The following NRP2 variants were observed in gnomAD, a reference collection of about 807,000 sequenced individuals.
NRP2 encodes the protein neuropilin 2.
In NRP2, 52 loss-of-function variants were observed where a neutral mutation model predicts 110.4. That is an observed-to-expected ratio of 0.47 (90% CI 0.38 to 0.59). NRP2 has a LOEUF of 0.59. Among genes scored for constraint, NRP2 ranks in the 20% least tolerant of loss-of-function variants. The probability of loss-of-function intolerance (pLI) is 0.00; values close to 1 mark genes in which losing one functional copy is unlikely to be tolerated. For missense variants in NRP2, 1,049 were observed against 1,203.0 expected (o/e 0.87, Z 1.89); for synonymous variants, 508 against 468.9 (o/e 1.08, Z -1.08).
chr2:205,760,308 T>G (rs1263241759), intron 12 of NRP2, among the ~76,000 whole-genome samples: 2 of 152,202 alleles, frequency 1.3e-5, no homozygotes, highest in Non-Finnish European at 2.9e-5. Context: ...ACAGGCGCTT[T>G]GCAGCTCAGC....
chr2:205,722,172 TACACACACACACACACAC>T (rs10646445), intron 3 of NRP2: 3 of 280,194 alleles, frequency 1.1e-5, no homozygotes, highest in African/African-American at 5.4e-5. Context: ...CTCTCTCTCA[TACACACACACACACACAC>T]ACACACACAC....
At position 205,697,608 on chromosome 2, in the gene NRP2, C is replaced by T; in HGVS notation, c.138C>T (p.Pro46=). 1 of 1,613,982 alleles carries T rather than the reference C, an allele frequency of 6.2e-7. No homozygotes were observed. Among genetic ancestry groups the T allele is most frequent in the East Asian group, 2.2e-5 (1 of 44,876 alleles). The change falls in exon 2 of 17, where the codon CCC becomes CCT. Residue 46 remains proline, a synonymous_variant. Transcript: ENST00000357785. ...GCTATATCACCTCTCCCGGTTACCC[C>T]CAGGACTACCCCTCCCACCAGAACT... The part of the protein sequence containing the change: ...DAGYITSPGY[P]QDYPSHQNCE...
intron 15 of NRP2, chr2:205,767,167 T>C (rs1263024754): frequency 8.7e-6 from 3 of 343,216 alleles, no homozygotes; most frequent in Non-Finnish European, 1.6e-5. Context: ...AAAATCAGTA[T>C]AAATTAAAAG....
At position 205,726,008 on chromosome 2, in the gene NRP2, C is replaced by T. The variant is rs752745836; in HGVS notation, c.916C>T (p.Pro306Ser). The T allele has an allele frequency of 1.9e-6, 3 of 1,614,046 alleles. No individual in the cohort carries two copies. The highest frequency in any genetic ancestry group is 2.7e-5 in the African/African-American group (2 of 74,930). Reference sequence around the variant, plus strand: ...TACCTACTCTGATGGGAGGTGGACCCCTCAACAAAGCCGGCTCCATGGTGA... The same window carrying T: ...TACCTACTCTGATGGGAGGTGGACCTCTCAACAAAGCCGGCTCCATGGTGA... ...SSTYSDGRWT[P>S]QQSRLHGDDN... Residue 306 changes from proline to serine, a missense_variant, in exon 6 of 17, where the codon CCT becomes TCT. Transcript: ENST00000357785.
Position 205,725,396 on chromosome 2 carries a change from C to T in NRP2, c.821-517C>T, listed in dbSNP as rs1258874708. Among the ~76,000 whole-genome samples the T allele has an allele frequency of 1.3e-5, 2 of 152,180 alleles. No homozygotes were observed. Among genetic ancestry groups the T allele is most frequent in the Non-Finnish European group, 2.9e-5 (2 of 68,032 alleles). On this transcript the variant is annotated intron_variant, in intron 5 of 16. Coordinates refer to ENST00000357785, the MANE Select transcript of NRP2 (RefSeq NM_003872.3). The surrounding 1 kb of genome is among the most constrained non-coding windows in gnomAD (Gnocchi z 4.1). ...GGGAATAGAGAGTGACATGCATGTG[C>T]TCATGGAGAGATTTCCCAAAGACAA... is the stretch of plus-strand genomic sequence containing the variant.
intron 15 of NRP2, among the ~76,000 whole-genome samples, chr2:205,769,255 T>C (rs1272607960): frequency 1.3e-5 from 2 of 152,160 alleles, no homozygotes; most frequent in Non-Finnish European, 2.9e-5. Context: ...ATTAGAGTGT[T>C]TTTCTTTTCC....
chr2:205,742,572 G>A (rs771642091), intron 8 of NRP2, among the ~76,000 whole-genome samples: 1 of 152,188 alleles, frequency 6.6e-6, no homozygotes, highest in African/African-American at 2.4e-5. Flanking sequence ...AGCATTTGGG[G>A]TAATGGGAAC....
chr2:205,798,113 A>G lies in NRP2; in HGVS notation c.*3055A>G, dbSNP rs2058365569. The stretch of plus-strand genomic sequence containing the variant: ...AAGCCTTTTTAAGATTACTATTTAA[A>G]TAAACATTATACCAGAGATATTTTT... On this transcript the variant is annotated 3_prime_UTR_variant, in exon 17 of 17. Coordinates refer to ENST00000357785, the MANE Select transcript of NRP2 (RefSeq NM_003872.3). 6.6e-6 allele frequency: 1 copy of G among 152,132 alleles called. No homozygotes were observed. The highest frequency in any genetic ancestry group is 2.1e-4 in the South Asian group (1 of 4,808). 9.4% of individuals were successfully genotyped at this position (152,132 alleles called of 1,614,324 possible).
Position 205,780,305 on chromosome 2 carries a change from T to C in NRP2, c.2426-11930T>C, listed in dbSNP as rs112068019. ...GATAATTAGATGATGACTGTGGACA[T>C]AGAACTATCAGAGTGGAACATTTTA... is the stretch of plus-strand genomic sequence containing the variant. On this transcript the variant is annotated intron_variant, in intron 15 of 16. Coordinates refer to ENST00000357785, the MANE Select transcript of NRP2 (RefSeq NM_003872.3). 3.2e-3 allele frequency among the ~76,000 whole-genome samples: 488 copies of C among 152,224 alleles called. 3 individuals carry two copies. The highest frequency in any genetic ancestry group is 3.8e-3 in the African/African-American group (157 of 41,488).
intron 16 of NRP2, among the ~76,000 whole-genome samples, chr2:205,793,161 A>G (rs1294301114): frequency 6.6e-6 from 1 of 152,162 alleles, no homozygotes; most frequent in Admixed American, 6.5e-5. Flanking sequence ...TTTTATGGGC[A>G]AAAGTGCATG....
chr2:205,767,452 C>T (rs75474066), intron 15 of NRP2: 8 of 517,160 alleles, frequency 1.5e-5, no homozygotes, highest in African/African-American at 1.5e-4. Flanking sequence ...GAGGTGCATT[C>T]GATGACTGGA....
intron 2 of NRP2, among the ~76,000 whole-genome samples, chr2:205,699,940 G>C (rs1160015533): frequency 6.6e-6 from 1 of 151,846 alleles, no homozygotes; most frequent in East Asian, 1.9e-4. Flanking sequence ...TTAATTCTCT[G>C]TTCCTCCCCC....
intron 15 of NRP2, among the ~76,000 whole-genome samples, chr2:205,769,537 C>CACAG (rs1553597993): frequency 5.3e-5 from 8 of 151,198 alleles, no homozygotes; most frequent in Non-Finnish European, 1.2e-4. Context: ...CACACACACA[C>CACAG]ACAGACACAT....
chr2:205,727,994 T>A lies in NRP2; in HGVS notation c.1094T>A (p.Val365Asp), dbSNP rs1401431665. ...GYYVKSYKLE[V>D]STNGEDWMVY... ...TATGTCAAATCCTACAAGCTGGAAG[T>A]CAGCACTAATGGAGAGGACTGGATG... The change falls in exon 7 of 17, where the codon GTC becomes GAC. Residue 365 changes from valine to aspartate, a missense_variant. Coordinates refer to ENST00000357785, the MANE Select transcript of NRP2 (RefSeq NM_003872.3). 2 of 1,614,008 alleles carry A rather than the reference T, an allele frequency of 1.2e-6. No individual in the cohort carries two copies. The highest frequency in any genetic ancestry group is 1.7e-6 in the Non-Finnish European group (2 of 1,180,028).
chr2:205,727,757 A>C (rs997670560), intron 6 of NRP2, 134 bp from the exon 7 acceptor site: 1 of 810,018 alleles, frequency 1.2e-6, no homozygotes, highest in Admixed American at 2.8e-5. Flanking sequence ...AACTGATACT[A>C]ATTACAAGTA....
At chr2:205,717,883 A>C (rs1177967927) in intron 3 of NRP2, among the ~76,000 whole-genome samples, 1 of 152,228 alleles carries the variant, frequency 6.6e-6, no homozygotes, top group East Asian at 1.9e-4. Flanking sequence ...TGCACGTAAC[A>C]GATTCGCAGG....
In NRP2 at chr2:205,796,267, A is replaced by G. The variant is rs1416045401; in HGVS notation, c.*1209A>G. ...CCGACTTCTCCTTTGGGTTACAAAC[A>G]CCATTTCAACCTTTCGGGAGAGTCA... On this transcript the variant is annotated 3_prime_UTR_variant, in exon 17 of 17. Transcript: ENST00000357785. The G allele has an allele frequency of 1.3e-5, 2 of 152,294 alleles. No individual in the cohort carries two copies. The highest frequency in any genetic ancestry group is 2.9e-5 in the Non-Finnish European group (2 of 68,040). The allele number at this position is 152,294 out of a possible 1,614,324, so 9.4% of individuals were successfully genotyped here.
chr2:205,718,866 C>T (rs2056954505), intron 3 of NRP2, among the ~76,000 whole-genome samples: 1 of 150,588 alleles, frequency 6.6e-6, no homozygotes, highest in Admixed American at 6.6e-5. Flanking sequence ...CACTTGAACC[C>T]AGAAGGAGGA....
chr2:205,693,751 A>G (rs1041578238), intron 1 of NRP2, among the ~76,000 whole-genome samples: 1 of 152,146 alleles, frequency 6.6e-6, no homozygotes, highest in Admixed American at 6.5e-5. Context: ...TGGGCCCTCT[A>G]ATCCCACATT....
Sources: gnomAD v4.1 joint callset for allele counts (sites outside exome capture counted in the v4.1 genomes callset) on GRCh38, gnomAD v4.1.1 for gene constraint, Gnocchi (gnomAD v3.1) non-coding constraint, MANE v1.5 for transcripts, NCBI Gene and HGNC (gene_info 2026-07-23, HGNC 2026-07-21) for gene names.